FSTL4: variants seen among roughly 807,000 people sequenced by gnomAD.
FSTL4 encodes follistatin-related protein 4.
FSTL4 carries 28 observed loss-of-function variants against 78.2 expected under a neutral mutation model. The observed-to-expected ratio is 0.36, with a 90% CI of 0.27 to 0.49. FSTL4 has a LOEUF of 0.49. FSTL4 is among the 20% of genes least tolerant of loss of function. FSTL4 has a pLI of 0.98. For missense variants in FSTL4, 922 were observed against 1,084.9 expected, an observed-to-expected ratio of 0.85 and a Z score of 2.11; for synonymous variants, 422 against 440.5, an observed-to-expected ratio of 0.96 and a Z score of 0.53.
In FSTL4 at chr5:133,381,566, T is replaced by A. The variant is rs776297677; in HGVS notation, c.409+19172A>T. ...TCCAGGCAGGGAGGAGGACGTTGAG[T>A]AGGGAGGGGCACGAGAGAGGGAGCA... On this transcript the variant is annotated intron_variant, in intron 4 of 15. Transcript: ENST00000265342. Among the ~76,000 whole-genome samples the A allele has an allele frequency of 2.6e-5, 4 of 152,110 alleles. No homozygotes were observed. In the South Asian group the frequency reaches 6.2e-4, roughly 24 times the overall value.
At chr5:133,811,075 A>T in the FSTL4 span, among the ~76,000 whole-genome samples, 1 of 151,758 alleles carries the variant, frequency 6.6e-6, no homozygotes, top group Non-Finnish European at 1.5e-5. Context: ...TATCAATTCC[A>T]CTCCTCAAAA....
chr5:133,406,894 T>C (rs141610194), intron 3 of FSTL4, among the ~76,000 whole-genome samples: 77 of 152,354 alleles, frequency 5.1e-4, no homozygotes, highest in Non-Finnish European at 4.9e-4. Context: ...GACTTGCCTA[T>C]GGTTAGACAG....
chr5:133,405,413 G>A (rs1368335611), intron 3 of FSTL4, among the ~76,000 whole-genome samples: 1 of 152,202 alleles, frequency 6.6e-6, no homozygotes, highest in African/African-American at 2.4e-5. Flanking sequence ...GCAGACAGAG[G>A]TACTTGTCCA....
At chr5:133,831,124 G>A in the FSTL4 span, among the ~76,000 whole-genome samples, 21 of 152,154 alleles carry the variant, frequency 1.4e-4, no homozygotes, top group African/African-American at 3.6e-4. Context: ...CACAGCCCAT[G>A]AGCCAAGGCT....
chr5:133,813,460 T>C, the FSTL4 span, among the ~76,000 whole-genome samples: 1 of 152,226 alleles, frequency 6.6e-6, no homozygotes, highest in Non-Finnish European at 1.5e-5. Context: ...GGCTCAGTAG[T>C]TACATGCGGC....
the FSTL4 span, among the ~76,000 whole-genome samples, chr5:133,619,384 A>G: frequency 6.6e-6 from 1 of 152,190 alleles, no homozygotes; most frequent in Admixed American, 6.5e-5. Flanking sequence ...ACTTAAATCA[A>G]TTGAGTTGGG....
intron 3 of FSTL4, among the ~76,000 whole-genome samples, chr5:133,463,313 TG>T (rs1757634061): frequency 6.6e-6 from 1 of 152,218 alleles, no homozygotes; most frequent in Admixed American, 6.5e-5. Context: ...CCTCCACTCT[TG>T]ATATCCAATC....
intron 4 of FSTL4, among the ~76,000 whole-genome samples, chr5:133,363,305 GAGGCCCTCAGCTCT>G (rs1755110284): frequency 6.6e-6 from 1 of 152,108 alleles, no homozygotes; most frequent in South Asian, 2.1e-4. Context: ...GGTGTTCCAG[GAGGCCCTCAGCTCT>G]AGTACTGCTT....
At chr5:133,366,429 G>A (rs551999875) in intron 4 of FSTL4, among the ~76,000 whole-genome samples, 6 of 152,270 alleles carry the variant, frequency 3.9e-5, no homozygotes, top group South Asian at 4.1e-4. Flanking sequence ...CAAGGATACC[G>A]TCTGACATGG....
At chr5:133,309,622 G>A (rs1292685550) in intron 6 of FSTL4, among the ~76,000 whole-genome samples, 1 of 152,198 alleles carries the variant, frequency 6.6e-6, no homozygotes, top group Non-Finnish European at 1.5e-5. Context: ...ACTGTGGCAA[G>A]CATGGCCCAG....
chr5:133,502,334 T>A (rs1758515998), intron 3 of FSTL4, among the ~76,000 whole-genome samples: 2 of 152,106 alleles, frequency 1.3e-5, no homozygotes, highest in African/African-American at 4.8e-5. Flanking sequence ...CTGACAAGGA[T>A]CTAACATGCC....
At chr5:133,300,825 A>G (rs942618690) in intron 6 of FSTL4, among the ~76,000 whole-genome samples, 19 of 151,554 alleles carry the variant, frequency 1.3e-4, no homozygotes, top group Non-Finnish European at 2.1e-4. Flanking sequence ...TGGATATTTG[A>G]TGGGGTTTGG....
At chr5:133,436,115 TAAGTA>T (rs991122532) in intron 3 of FSTL4, among the ~76,000 whole-genome samples, 24 of 152,222 alleles carry the variant, frequency 1.6e-4, no homozygotes, top group African/African-American at 5.3e-4. Context: ...GTATTTATTC[TAAGTA>T]TAGTATAAAA....
the FSTL4 span, among the ~76,000 whole-genome samples, chr5:133,764,975 T>A: frequency 1.3e-5 from 2 of 152,226 alleles, no homozygotes; most frequent in African/African-American, 4.8e-5. Flanking sequence ...GGGGTAACAA[T>A]TTTCTCCAGG....
chr5:133,527,423 T>C (rs1481554480), intron 3 of FSTL4, among the ~76,000 whole-genome samples: 2 of 152,036 alleles, frequency 1.3e-5, no homozygotes, highest in Admixed American at 6.5e-5. Flanking sequence ...CAGTGTCTGT[T>C]CTCTCAGCCT....
chr5:133,328,125 A>G (rs2126904870), intron 4 of FSTL4, among the ~76,000 whole-genome samples: 1 of 152,356 alleles, frequency 6.6e-6, no homozygotes, highest in African/African-American at 2.4e-5. Context: ...CCAGGGTTAA[A>G]CACACACGAG....
chr5:133,486,831 C>G (rs1285940195), intron 3 of FSTL4, among the ~76,000 whole-genome samples: 1 of 152,102 alleles, frequency 6.6e-6, no homozygotes, highest in Non-Finnish European at 1.5e-5. Flanking sequence ...CATATTGAAG[C>G]GCCACAAAAC....
chr5:133,743,134 C>T, the FSTL4 span, among the ~76,000 whole-genome samples: 1 of 152,160 alleles, frequency 6.6e-6, no homozygotes, highest in Admixed American at 6.5e-5. Flanking sequence ...ACAGCTCAGA[C>T]TCAGGGGGCC....
At chr5:133,288,386 G>T (rs1753185433) in intron 6 of FSTL4, among the ~76,000 whole-genome samples, 1 of 152,214 alleles carries the variant, frequency 6.6e-6, no homozygotes. Context: ...CCAGGGAGAG[G>T]CTGCTGCCTG....
Sources: allele counts gnomAD v4.1 joint callset (sites outside exome capture counted in the v4.1 genomes callset), GRCh38; gene constraint gnomAD v4.1.1; transcripts MANE v1.5; gene names NCBI Gene and HGNC (gene_info 2026-07-23, HGNC 2026-07-21).